The following RNF217 variants were observed in gnomAD, a reference collection of about 807,000 sequenced individuals.
The protein encoded by RNF217 is E3 ubiquitin-protein ligase RNF217.
A neutral mutation model predicts 57.8 loss-of-function variants in RNF217; 31 were observed. The observed-to-expected ratio is 0.54, with a 90% CI of 0.40 to 0.72. RNF217 has a LOEUF of 0.72. Among genes scored for constraint, RNF217 ranks in the 30% least tolerant of loss-of-function variants. The pLI, the probability that RNF217 is intolerant of heterozygous loss-of-function variation, is 0.00. For synonymous variants in RNF217, 313 were observed against 294.0 expected (o/e 1.06, Z -0.66); for missense variants, 696 against 708.3 (o/e 0.98, Z 0.20).
chr6:124,972,536 T>C (rs1319107706), intron 1 of RNF217, among the ~76,000 whole-genome samples: 2 of 152,234 alleles, frequency 1.3e-5, no homozygotes, highest in Non-Finnish European at 2.9e-5. Context: ...TCCCTGTGCA[T>C]TCTGACTCCT....
At position 125,068,916 on chromosome 6, in the gene RNF217, G is replaced by T. The variant is rs118094755; in HGVS notation, c.1282-7741G>T. On this transcript the variant is annotated intron_variant, in intron 3 of 5. Coordinates refer to ENST00000521654, the MANE Select transcript of RNF217 (RefSeq NM_001286398.3). ...TGGAATGAAAGGAAGGATTTAGTAG[G>T]ATGACATGTATAATCACAGAGAGGA... Among the ~76,000 whole-genome samples the T allele has an allele frequency of 9.2e-5, 14 of 152,212 alleles. 1 individual carries two copies. The East Asian group carries it at 2.3e-3, about 25-fold the overall frequency.
chr6:125,030,246 G>A (rs969105031), intron 1 of RNF217, among the ~76,000 whole-genome samples: 32 of 152,122 alleles, frequency 2.1e-4, no homozygotes, highest in Non-Finnish European at 3.8e-4. Flanking sequence ...TGAGATTTCA[G>A]TGGGGGCACA....
intron 2 of RNF217, among the ~76,000 whole-genome samples, chr6:125,052,258 C>G (rs891095282): frequency 2.0e-5 from 3 of 150,414 alleles, no homozygotes; most frequent in Admixed American, 1.3e-4. Context: ...CACCATATCT[C>G]AATATAGCTT....
At chr6:125,010,118 T>C (rs1785362269) in intron 1 of RNF217, among the ~76,000 whole-genome samples, 2 of 151,894 alleles carry the variant, frequency 1.3e-5, no homozygotes, top group African/African-American at 4.8e-5. Flanking sequence ...GTTCTCTGCA[T>C]TTGATCCATT....
chr6:125,053,658 A>G (rs984138588), intron 2 of RNF217, among the ~76,000 whole-genome samples: 3 of 152,214 alleles, frequency 2.0e-5, no homozygotes, highest in South Asian at 2.1e-4. Flanking sequence ...TTGATGAATT[A>G]TCAGGAGAAA....
At chr6:124,963,512 G>T (rs1364017597) in intron 1 of RNF217, 86 bp downstream of exon 1, 2 of 1,397,690 alleles carry the variant, frequency 1.4e-6, no homozygotes, top group Non-Finnish European at 1.9e-6. Flanking sequence ...CCCTGCTCGC[G>T]CGAAGAGGTG....
At chr6:124,997,416 A>G (rs1784795575) in intron 1 of RNF217, among the ~76,000 whole-genome samples, 1 of 151,700 alleles carries the variant, frequency 6.6e-6, no homozygotes, top group Non-Finnish European at 1.5e-5. Context: ...TTACTTAACC[A>G]TATGCGAAAG....
At chr6:124,995,074 A>G (rs928677163) in intron 1 of RNF217, among the ~76,000 whole-genome samples, 3 of 152,152 alleles carry the variant, frequency 2.0e-5, no homozygotes, top group African/African-American at 7.2e-5. Context: ...ATTGTTGACT[A>G]TATTTGTACC....
chr6:124,997,544 C>G (rs1436969984), intron 1 of RNF217, among the ~76,000 whole-genome samples: 1 of 152,178 alleles, frequency 6.6e-6, no homozygotes, highest in African/African-American at 2.4e-5. Context: ...ACAGCAGACA[C>G]ATTGATGAAG....
chr6:124,989,204 T>A (rs1057351768), intron 1 of RNF217, among the ~76,000 whole-genome samples: 2 of 152,212 alleles, frequency 1.3e-5, no homozygotes, highest in Non-Finnish European at 2.9e-5. Context: ...GTTGGCAATA[T>A]TTTGATGAGC....
At chr6:124,988,654 C>T (rs531986652) in intron 1 of RNF217, among the ~76,000 whole-genome samples, 2 of 152,190 alleles carry the variant, frequency 1.3e-5, no homozygotes, top group Non-Finnish European at 2.9e-5. Flanking sequence ...TCCATTTTAA[C>T]ACATTTTAGC....
intron 1 of RNF217, among the ~76,000 whole-genome samples, chr6:125,003,199 AT>A (rs1307332859): frequency 2.0e-5 from 3 of 152,134 alleles, no homozygotes; most frequent in African/African-American, 7.2e-5. Context: ...GAGATTTAAC[AT>A]TTGATTTTCA....
At position 125,081,526 on chromosome 6, in the gene RNF217, A is replaced by C; in HGVS notation, c.1555+19A>C. 1.9e-6 allele frequency: 3 copies of C among 1,587,842 alleles called. No homozygotes were observed. The highest frequency in any genetic ancestry group is 2.6e-6 in the Non-Finnish European group (3 of 1,157,818). On this transcript the variant is annotated intron_variant, in intron 5 of 5. Coordinates refer to ENST00000521654, the MANE Select transcript of RNF217 (RefSeq NM_001286398.3). ...GTAATCGGTAAGAAACACTTCATGC[A>C]TCTGAGATTAGAATTATCTGAGGGC...
intron 1 of RNF217, among the ~76,000 whole-genome samples, chr6:124,999,254 G>A (rs779512729): frequency 1.3e-4 from 20 of 152,064 alleles, no homozygotes; most frequent in African/African-American, 2.4e-4. Flanking sequence ...TAATCTGCCC[G>A]TGTCATGAGT....
In RNF217 at chr6:125,034,856, A is replaced by G. The variant is rs201403427; in HGVS notation, c.883-10355A>G. Among the ~76,000 whole-genome samples, 4 of 151,930 alleles carry G rather than the reference A, an allele frequency of 2.6e-5. No homozygotes were observed. The East Asian group carries it at 7.7e-4, about 29-fold the overall frequency. On this transcript the variant is annotated intron_variant, in intron 1 of 5. Transcript: ENST00000521654. ...ATGGAATGTTCTTCCATTTGTTTGT[A>G]TCCTCTTTTATTTCATTGAGCAGTG...
intron 1 of RNF217, among the ~76,000 whole-genome samples, chr6:124,979,039 C>G (rs1216110982): frequency 5.9e-5 from 9 of 152,110 alleles, no homozygotes; most frequent in African/African-American, 1.7e-4. Context: ...CAGAAGAAAC[C>G]AATAGAGAGA....
rs142709206 is a variant in RNF217, at chr6:125,017,912, A to G, written c.883-27299A>G. 3.1e-3 allele frequency among the ~76,000 whole-genome samples: 478 copies of G among 152,356 alleles called. 4 individuals carry two copies. The highest frequency in any genetic ancestry group is 6.8e-3 in the Middle Eastern group (2 of 294). On this transcript the variant is annotated intron_variant, in intron 1 of 5. Coordinates refer to ENST00000521654, the MANE Select transcript of RNF217 (RefSeq NM_001286398.3). ...AATACTAAGGGAAAGAATTCACTTT[A>G]TAAAAGAGGGTACCACATATTTTCA...
chr6:124,969,990 A>G (rs145525596), intron 1 of RNF217, among the ~76,000 whole-genome samples: 1,828 of 152,258 alleles, frequency 0.012, 32 homozygotes, highest in African/African-American at 0.042. Context: ...AGTTCCAAAG[A>G]TAGAAGCATA....
chr6:125,069,213 A>C (rs139265718), intron 3 of RNF217, among the ~76,000 whole-genome samples: 203 of 152,358 alleles, frequency 1.3e-3, no homozygotes, highest in Admixed American at 3.0e-3. Context: ...AATTATTGCT[A>C]TCAGAGTGTT....
Sources: gnomAD v4.1 joint callset for allele counts (sites outside exome capture counted in the v4.1 genomes callset) on GRCh38, gnomAD v4.1.1 for gene constraint, MANE v1.5 for transcripts, NCBI Gene and HGNC (gene_info 2026-07-23, HGNC 2026-07-21) for gene names.